The following GRIK2 variants were observed in gnomAD, a reference collection of about 807,000 sequenced individuals.
GRIK2 encodes glutamate ionotropic receptor kainate type subunit 2.
A neutral mutation model predicts 100.3 loss-of-function variants in GRIK2; 32 were observed. That is an observed-to-expected ratio of 0.32 (90% CI 0.24 to 0.43). The LOEUF (loss-of-function observed/expected upper bound fraction) is 0.43. GRIK2 is among the 20% of genes least tolerant of loss of function. GRIK2 has a pLI of 1.00. For missense variants in GRIK2, 843 were observed against 1,114.9 expected (o/e 0.76, Z 3.47); for synonymous variants, 417 against 389.4 (o/e 1.07, Z -0.83).
At chr6:102,053,608 C>A (rs1771316690) in intron 15 of GRIK2, among the ~76,000 whole-genome samples, 1 of 152,080 alleles carries the variant, frequency 6.6e-6, no homozygotes, top group Admixed American at 6.6e-5. Flanking sequence ...AGATATTCAT[C>A]TGCATTAGAT....
intron 2 of GRIK2, among the ~76,000 whole-genome samples, chr6:101,402,851 G>A (rs1283864261): frequency 6.6e-6 from 1 of 152,220 alleles, no homozygotes; most frequent in East Asian, 1.9e-4. Context: ...TTGTTTCGCC[G>A]CAGCTGCGTC....
At chr6:101,836,659 A>ATT (rs1239661989) in intron 10 of GRIK2, among the ~76,000 whole-genome samples, 2,153 of 60,044 alleles carry the variant, frequency 0.036, 375 homozygotes, top group Non-Finnish European at 0.052. Flanking sequence ...ATATATATAT[A>ATT]TATTTTTTTT....
chr6:101,733,708 C>CTTTTTTTTTTTTTTT (rs34438783), intron 7 of GRIK2, among the ~76,000 whole-genome samples: 24 of 83,932 alleles, frequency 2.9e-4, no homozygotes, highest in Non-Finnish European at 4.5e-4. Flanking sequence ...ATTCCTCTTT[C>CTTTTTTTTTTTTTTT]TTTTTTTTTT....
At chr6:101,535,118 T>A (rs1404102101) in intron 2 of GRIK2, among the ~76,000 whole-genome samples, 1 of 151,710 alleles carries the variant, frequency 6.6e-6, no homozygotes, top group East Asian at 1.9e-4. Context: ...TCTTTGAAAA[T>A]GACTAGGTAT....
At chr6:102,063,581 C>A (rs1415542758) in intron 16 of GRIK2, among the ~76,000 whole-genome samples, 2 of 150,678 alleles carry the variant, frequency 1.3e-5, no homozygotes, top group African/African-American at 4.8e-5. Flanking sequence ...AAAAAGAAAT[C>A]TGTGCTTCTC....
At chr6:101,779,079 A>G (rs1778920754) in intron 7 of GRIK2, among the ~76,000 whole-genome samples, 1 of 152,128 alleles carries the variant, frequency 6.6e-6, no homozygotes, top group Admixed American at 6.6e-5. Context: ...AGAACATCTA[A>G]TTTCTTAAAT....
At chr6:101,414,619 G>T (rs78515570) in intron 2 of GRIK2, among the ~76,000 whole-genome samples, 2,162 of 152,182 alleles carry the variant, frequency 0.014, 48 homozygotes, top group African/African-American at 0.05. Context: ...CAGCTCTCTA[G>T]TCTACATCTT....
intron 10 of GRIK2, among the ~76,000 whole-genome samples, chr6:101,855,136 ATAGAGT>A (rs1484705302): frequency 1.3e-5 from 2 of 152,158 alleles, no homozygotes; most frequent in African/African-American, 4.8e-5. Flanking sequence ...GGAAAAGAAA[ATAGAGT>A]TGGAGAGAGA....
At chr6:101,762,072 C>T (rs1387921483) in intron 7 of GRIK2, among the ~76,000 whole-genome samples, 2 of 127,916 alleles carry the variant, frequency 1.6e-5, no homozygotes, top group Non-Finnish European at 3.2e-5. Context: ...CCTTTCCTTT[C>T]CCCTCCCTTC....
At chr6:101,680,035 G>A (rs1051840675) in intron 5 of GRIK2, among the ~76,000 whole-genome samples, 1 of 152,140 alleles carries the variant, frequency 6.6e-6, no homozygotes, top group Non-Finnish European at 1.5e-5. Context: ...ACCGCGCCTG[G>A]CCTCCCAGCG....
intron 1 of GRIK2, chr6:101,398,751 T>G: frequency 2.9e-6 from 1 of 350,652 alleles, no homozygotes; most frequent in Non-Finnish European, 5.1e-6. Flanking sequence ...GGTTGCATAA[T>G]AGATATTGGG....
chr6:101,432,237 C>G lies in GRIK2; in HGVS notation c.115+32845C>G, dbSNP rs117843912. 6.8e-4 allele frequency among the ~76,000 whole-genome samples: 103 copies of G among 152,132 alleles called. 1 individual carries two copies. The East Asian group carries it at 0.015, about 22-fold the overall frequency. On this transcript the variant is annotated intron_variant, in intron 2 of 16. Coordinates refer to ENST00000369134, the MANE Select transcript of GRIK2 (RefSeq NM_021956.5). Reference sequence around the variant, plus strand: ...TTATATTTTATATATTTTTCTGCCACCCCTAGGAAGAGTTGCTTCCTGAAT... The same window carrying G: ...TTATATTTTATATATTTTTCTGCCAGCCCTAGGAAGAGTTGCTTCCTGAAT...
At chr6:101,729,440 G>A (rs1374419548) in intron 7 of GRIK2, among the ~76,000 whole-genome samples, 1 of 151,806 alleles carries the variant, frequency 6.6e-6, no homozygotes, top group Non-Finnish European at 1.5e-5. Context: ...TTGGCTAATT[G>A]TTCCATGGAG....
At chr6:101,969,680 A>G (rs1292137435) in intron 14 of GRIK2, among the ~76,000 whole-genome samples, 2 of 152,076 alleles carry the variant, frequency 1.3e-5, no homozygotes, top group East Asian at 1.9e-4. Context: ...TTAATGCATA[A>G]TATTTAATCC....
intron 2 of GRIK2, among the ~76,000 whole-genome samples, chr6:101,585,736 G>A (rs1054136294): frequency 5.3e-5 from 8 of 152,034 alleles, no homozygotes; most frequent in Non-Finnish European, 1.0e-4. Context: ...TATGAGCAAT[G>A]ATGAACAAAG....
intron 7 of GRIK2, among the ~76,000 whole-genome samples, chr6:101,717,980 A>C (rs184780978): frequency 6.6e-6 from 1 of 151,964 alleles, no homozygotes; most frequent in African/African-American, 2.4e-5. Flanking sequence ...TCTTCTTAAT[A>C]ATGAAAACAT....
At chr6:101,711,287 G>C (rs1483847619) in intron 7 of GRIK2, among the ~76,000 whole-genome samples, 1 of 151,636 alleles carries the variant, frequency 6.6e-6, no homozygotes, top group East Asian at 1.9e-4. Context: ...TGACTGTATA[G>C]TAAATATGTT....
intron 14 of GRIK2, among the ~76,000 whole-genome samples, chr6:102,026,107 CTTACATATATATATATATATATATAT>C (rs1315037183): frequency 2.3e-5 from 2 of 86,640 alleles, no homozygotes; most frequent in Non-Finnish European, 4.6e-5. Flanking sequence ...TACATATACA[CTTACATATATATATATATATATATAT>C]ATATATATAT....
intron 2 of GRIK2, among the ~76,000 whole-genome samples, chr6:101,420,021 G>C (rs897541794): frequency 2.0e-5 from 3 of 152,166 alleles, no homozygotes; most frequent in African/African-American, 7.2e-5. Context: ...GCAGCCCAAT[G>C]TGAAGATAAT....
Sources: gnomAD v4.1 joint callset for allele counts (sites outside exome capture counted in the v4.1 genomes callset) on GRCh38, gnomAD v4.1.1 for gene constraint, MANE v1.5 for transcripts, NCBI Gene and HGNC (gene_info 2026-07-23, HGNC 2026-07-21) for gene names.